TMCC1: variants seen among roughly 807,000 people sequenced by gnomAD.
TMCC1 encodes the protein transmembrane and coiled-coil domains protein 1.
In TMCC1, 15 loss-of-function variants were observed where a neutral mutation model predicts 52.4. The ratio of observed to expected loss-of-function variants is 0.29; its 90% CI spans 0.19 to 0.44. The LOEUF (loss-of-function observed/expected upper bound fraction) is 0.44, where lower values mean the gene tolerates loss of function less well. Among genes scored for constraint, TMCC1 ranks in the 20% least tolerant of loss-of-function variants. TMCC1 has a pLI of 1.00. For missense variants in TMCC1, 503 were observed against 806.0 expected (o/e 0.62, Z 4.55); for synonymous variants, 279 against 301.9 (o/e 0.92, Z 0.79).
At position 129,651,504 on chromosome 3, in the gene TMCC1, G is replaced by T. The variant is rs1453707232; in HGVS notation, c.1939C>A (p.Arg647=). 3 of 1,614,038 alleles carry T rather than the reference G, an allele frequency of 1.9e-6. No individual in the cohort carries two copies. Among genetic ancestry groups the T allele is most frequent in the South Asian group, 1.1e-5 (1 of 91,062 alleles). The change falls in exon 7 of 7, where the codon CGG becomes AGG. Residue 647 remains arginine, a synonymous_variant. Coordinates refer to ENST00000393238, the MANE Select transcript of TMCC1 (RefSeq NM_001017395.5). This position sits in a 1 kb window ranked among gnomAD's most constrained non-coding sequence, Gnocchi z 5.1. ...HWDALFSYVE[R]FFSSPR is the part of the protein sequence containing the mutation. ...CATCATCTAGGGGATGAAAAGAACC[G>T]TTCCACATAGCTGAAGAGGGCGTCC...
At chr3:129,863,420 A>G (rs995271029) in intron 2 of TMCC1, among the ~76,000 whole-genome samples, 3 of 152,198 alleles carry the variant, frequency 2.0e-5, no homozygotes, top group African/African-American at 7.2e-5. Context: ...AAGAAAAACA[A>G]GTCTCCCAAC....
Position 129,880,239 on chromosome 3 carries a change from G to C in TMCC1, c.-184+70C>G, listed in dbSNP as rs541667410. On this transcript the variant is annotated intron_variant, in intron 2 of 6. Coordinates refer to ENST00000393238, the MANE Select transcript of TMCC1 (RefSeq NM_001017395.5). ...TGAGAACTGAGTTATAGAGAGGAAA[G>C]TATAATTATTTTATACTGTTCTGAG... The C allele has an allele frequency of 6.6e-5, 10 of 151,976 alleles. No homozygotes were observed. In the East Asian group the frequency reaches 1.9e-3, roughly 30 times the overall value. 9.4% of individuals were successfully genotyped at this position (151,976 alleles called of 1,614,324 possible). A position where few individuals can be genotyped will look rare whatever the true frequency, so the allele number is the denominator to read the frequency against.
intron 4 of TMCC1, among the ~76,000 whole-genome samples, chr3:129,796,903 G>C (rs2056867550): frequency 6.6e-6 from 1 of 151,988 alleles, no homozygotes; most frequent in Non-Finnish European, 1.5e-5. Flanking sequence ...TTTTTCTTCA[G>C]GTAAGAAACA....
chr3:129,771,797 A>AAAAGAAG (rs60824072), intron 4 of TMCC1, among the ~76,000 whole-genome samples: 7 of 86,842 alleles, frequency 8.1e-5, no homozygotes, highest in South Asian at 6.5e-4. Flanking sequence ...AAAAAAAAAA[A>AAAAGAAG]AAGAAGAAGA....
chr3:129,821,087 T>C (rs184498850), intron 4 of TMCC1, among the ~76,000 whole-genome samples: 68 of 152,348 alleles, frequency 4.5e-4, no homozygotes, highest in Non-Finnish European at 7.8e-4. Flanking sequence ...TTTAGGAAAA[T>C]TACTTGGCAG....
chr3:129,738,273 C>CAAAAAAA (rs575044593), intron 4 of TMCC1, among the ~76,000 whole-genome samples: 2 of 118,536 alleles, frequency 1.7e-5, no homozygotes, highest in Non-Finnish European at 1.6e-5. Flanking sequence ...TCCGCCTAAA[C>CAAAAAAA]AAAAAAAAAA....
At chr3:129,889,866 T>C (rs1291052321) in intron 1 of TMCC1, among the ~76,000 whole-genome samples, 1 of 150,200 alleles carries the variant, frequency 6.7e-6, no homozygotes, top group East Asian at 2.0e-4. Flanking sequence ...AAAGATTTGG[T>C]CAAGGAGATA....
At chr3:129,739,296 T>G (rs1024406037) in intron 4 of TMCC1, among the ~76,000 whole-genome samples, 16 of 152,138 alleles carry the variant, frequency 1.1e-4, no homozygotes, top group African/African-American at 3.1e-4. Flanking sequence ...GCCTCCTGAC[T>G]AGCTGGGATT....
rs1179036802 is a variant in TMCC1 at position 129,880,516 on chromosome 3, A to C, written c.-391T>G. On this transcript the variant is annotated 5_prime_UTR_variant, in exon 2 of 7. Coordinates refer to ENST00000393238, the MANE Select transcript of TMCC1 (RefSeq NM_001017395.5). ...ACTGTTCACCGAGCGTCAGCATCTG[A>C]AGAAAGTGCTAACTGTGGATGTGTC... The C allele has an allele frequency of 6.6e-6, 1 of 152,208 alleles. No individual in the cohort carries two copies. The highest frequency in any genetic ancestry group is 1.9e-4 in the East Asian group (1 of 5,204). 9.4% of individuals were successfully genotyped at this position (152,208 alleles called of 1,614,324 possible).
intron 4 of TMCC1, among the ~76,000 whole-genome samples, chr3:129,766,517 CAT>C (rs1173548917): frequency 6.6e-6 from 1 of 152,150 alleles, no homozygotes; most frequent in Non-Finnish European, 1.5e-5. Context: ...ATGCCTAGCA[CAT>C]GATAAGCAAT....
chr3:129,679,775 G>A (rs1381126856), intron 4 of TMCC1, among the ~76,000 whole-genome samples: 5 of 152,032 alleles, frequency 3.3e-5, no homozygotes, highest in Non-Finnish European at 5.9e-5. Flanking sequence ...GTCCACTTTT[G>A]TTTCTCTAAC....
chr3:129,665,711 T>A (rs1007354382), intron 5 of TMCC1, among the ~76,000 whole-genome samples: 9 of 152,192 alleles, frequency 5.9e-5, no homozygotes, highest in African/African-American at 2.2e-4. Flanking sequence ...CATCCTGGTA[T>A]GAAAATAACA....
intron 2 of TMCC1, among the ~76,000 whole-genome samples, chr3:129,856,195 T>G (rs2060139231): frequency 6.6e-6 from 1 of 152,188 alleles, no homozygotes; most frequent in Non-Finnish European, 1.5e-5. Context: ...ATAATACAAC[T>G]GTAATTTTAA....
In TMCC1 at chr3:129,767,398, G is replaced by A. The variant is rs375706696; in HGVS notation, c.576+60405C>T. 6.9e-4 allele frequency among the ~76,000 whole-genome samples: 105 copies of A among 151,622 alleles called. 1 individual carries two copies. Among genetic ancestry groups the A allele is most frequent in the African/African-American group, 2.5e-3 (102 of 41,326 alleles). On this transcript the variant is annotated intron_variant, in intron 4 of 6. Coordinates refer to ENST00000393238, the MANE Select transcript of TMCC1 (RefSeq NM_001017395.5). ...AATTTTTTTTTTTTAAATTGGAGAC[G>A]GTATTGCTCTGTTGCCCAGGTTGGA... is the stretch of plus-strand genomic sequence containing the variant.
intron 2 of TMCC1, among the ~76,000 whole-genome samples, chr3:129,879,587 G>A (rs191844388): frequency 7.9e-5 from 12 of 152,232 alleles, no homozygotes; most frequent in Admixed American, 5.9e-4. Flanking sequence ...ATAACCCCAT[G>A]AGCTGTGTAA....
chr3:129,841,815 A>T (rs2059433903), intron 2 of TMCC1, among the ~76,000 whole-genome samples: 1 of 152,196 alleles, frequency 6.6e-6, no homozygotes, highest in Admixed American at 6.5e-5. Context: ...AGTGTGTGGC[A>T]GTTCTGCCCC....
chr3:129,774,753 C>T (rs755463897), intron 4 of TMCC1, among the ~76,000 whole-genome samples: 45 of 152,048 alleles, frequency 3.0e-4, no homozygotes, highest in Admixed American at 4.6e-4. Context: ...GAAAAGGGAA[C>T]GAGTGTAAAA....
chr3:129,760,603 A>G (rs952181235), intron 4 of TMCC1, among the ~76,000 whole-genome samples: 20 of 151,490 alleles, frequency 1.3e-4, no homozygotes, highest in African/African-American at 2.4e-5. Context: ...TCAGCCTCCT[A>G]AGTAGCTGGG....
chr3:129,824,934 G>T (rs1239693557), intron 4 of TMCC1, among the ~76,000 whole-genome samples: 2 of 151,982 alleles, frequency 1.3e-5, no homozygotes, highest in African/African-American at 4.8e-5. Context: ...TTCTTCTATT[G>T]TCCATTCCAC....
Sources: gnomAD v4.1 joint callset for allele counts (sites outside exome capture counted in the v4.1 genomes callset) on GRCh38, gnomAD v4.1.1 for gene constraint, Gnocchi (gnomAD v3.1) non-coding constraint, MANE v1.5 for transcripts, NCBI Gene and HGNC (gene_info 2026-07-23, HGNC 2026-07-21) for gene names.